Variants in CCZ1 observed in about 807,000 individuals in gnomAD.
CCZ1 encodes the protein vacuolar fusion protein CCZ1 homolog.
A neutral mutation model predicts 57.8 loss-of-function variants in CCZ1; 19 were observed. That is an observed-to-expected ratio of 0.33 (90% CI 0.23 to 0.48). The LOEUF (loss-of-function observed/expected upper bound fraction) is 0.48. Among genes scored for constraint, CCZ1 ranks in the 20% least tolerant of loss-of-function variants. The probability of loss-of-function intolerance (pLI) is 0.99; values close to 1 mark genes in which losing one functional copy is unlikely to be tolerated. For synonymous variants in CCZ1, 81 were observed against 167.0 expected, an observed-to-expected ratio of 0.49 and a Z score of 3.97; for missense variants, 200 against 492.0, an observed-to-expected ratio of 0.41 and a Z score of 5.61.
chr7:5,916,708 A>G (rs1039665677), intron 10 of CCZ1, among the ~76,000 whole-genome samples: 2 of 147,310 alleles, frequency 1.4e-5, no homozygotes, highest in African/African-American at 5.3e-5. Flanking sequence ...GGGGTTGGCC[A>G]CAGAGACACA....
chr7:5,907,951 A>C (rs936330267), intron 7 of CCZ1, among the ~76,000 whole-genome samples: 3 of 145,892 alleles, frequency 2.1e-5, no homozygotes, highest in African/African-American at 2.6e-5. Flanking sequence ...AAAAAAAAAA[A>C]AATAGCTGGG....
intron 10 of CCZ1, among the ~76,000 whole-genome samples, chr7:5,914,564 A>T (rs1334441670): frequency 1.4e-4 from 21 of 146,242 alleles, no homozygotes; most frequent in Non-Finnish European, 1.5e-5. Context: ...CCAAGCTGTC[A>T]ACCACAGATA....
chr7:5,907,103 C>T (rs1397313174), intron 7 of CCZ1, among the ~76,000 whole-genome samples: 2 of 149,636 alleles, frequency 1.3e-5, no homozygotes, highest in South Asian at 2.2e-4. Flanking sequence ...TCAAAGGATC[C>T]GCCCACCTTG....
intron 10 of CCZ1, among the ~76,000 whole-genome samples, chr7:5,914,926 G>A (rs1294350410): frequency 7.1e-5 from 10 of 141,634 alleles, no homozygotes; most frequent in African/African-American, 1.9e-4. Flanking sequence ...AAAGTTTACC[G>A]TCATGCACCT....
At chr7:5,904,000 G>A (rs1436804870) in intron 6 of CCZ1, among the ~76,000 whole-genome samples, 1 of 142,866 alleles carries the variant, frequency 7.0e-6, no homozygotes, top group Non-Finnish European at 1.5e-5. Flanking sequence ...TCTCGGGGGG[G>A]GAAATAAAGA....
Position 5,914,801 on chromosome 7 carries a change from G to A in CCZ1, c.954+1847G>A, listed in dbSNP as rs1386907043. Among the ~76,000 whole-genome samples, 19 of 145,202 alleles carry A rather than the reference G, an allele frequency of 1.3e-4. 1 individual carries two copies. Among genetic ancestry groups the A allele is most frequent in the African/African-American group, 3.6e-4 (14 of 38,846 alleles). On this transcript the variant is annotated intron_variant, in intron 10 of 14. Coordinates refer to ENST00000325974, the MANE Select transcript of CCZ1 (RefSeq NM_015622.6). ...TGAGGCAGGAGAATCACTTGTACCC[G>A]CGAGGCGGAGGTTGCAGTGAGCTGA...
At chr7:5,905,737 G>A (rs1781796026) in intron 7 of CCZ1, among the ~76,000 whole-genome samples, 1 of 103,118 alleles carries the variant, frequency 9.7e-6, no homozygotes, top group Non-Finnish European at 1.8e-5. Flanking sequence ...AGCCGAGATG[G>A]CACCACTGTA....
rs559625047 is a variant in CCZ1, at chr7:5,910,978, G to C, written c.780+862G>C. ...CTCGAACTCCTGACCTCAGGTGATT[G>C]ACCCGCCACAGCCTTCCAAAGTGCT... On this transcript the variant is annotated intron_variant, in intron 8 of 14. Transcript: ENST00000325974. Among the ~76,000 whole-genome samples, 186 of 147,098 alleles carry C rather than the reference G, an allele frequency of 1.3e-3. 13 individuals are homozygous for C. Among genetic ancestry groups the C allele is most frequent in the African/African-American group, 4.4e-3 (175 of 39,526 alleles).
intron 10 of CCZ1, 66 bp downstream of exon 10, chr7:5,913,020 C>T (rs1779072065): frequency 1.6e-5 from 25 of 1,577,162 alleles, no homozygotes; most frequent in East Asian, 4.5e-5. Flanking sequence ...CATGTGTACA[C>T]GAGTGCATGT....
At position 5,903,202 on chromosome 7, in the gene CCZ1, G is replaced by A. The variant is rs1418390627; in HGVS notation, c.522+458G>A. On this transcript the variant is annotated intron_variant, in intron 6 of 14. Coordinates refer to ENST00000325974, the MANE Select transcript of CCZ1 (RefSeq NM_015622.6). ...CCTTGACAGACTTTGTCAGATTAGC[G>A]ATTGGGGAGATTTGTTCCAAGTGCT... 6.7e-5 allele frequency among the ~76,000 whole-genome samples: 10 copies of A among 148,398 alleles called. 2 individuals are homozygous for A. The highest frequency in any genetic ancestry group is 2.5e-4 in the African/African-American group (10 of 40,066).
At chr7:5,904,114 CAG>C (rs1781749045) in intron 6 of CCZ1, among the ~76,000 whole-genome samples, 1 of 58,554 alleles carries the variant, frequency 1.7e-5, no homozygotes. Flanking sequence ...TTTTTTGAGA[CAG>C]AATCTTACTC....
intron 7 of CCZ1, among the ~76,000 whole-genome samples, chr7:5,908,000 A>G (rs1781875489): frequency 7.0e-6 from 1 of 142,574 alleles, no homozygotes; most frequent in Non-Finnish European, 1.5e-5. Context: ...TACAGAGACT[A>G]CAGAGGTTGA....
At position 5,911,913 on chromosome 7, in the gene CCZ1, A is replaced by G; in HGVS notation, c.833A>G (p.His278Arg). The change falls in exon 9 of 15, where the codon CAC (histidine) becomes CGC (arginine). Residue 278 changes from histidine (H) to arginine (R), a missense_variant. Around this residue, in one of 5 missense-constraint regions of CCZ1, gnomAD observed 128 missense variants for 178.4 expected, o/e 0.72. Transcript: ENST00000325974. ...GCAGAAATGCCAGGAAATCTTCAAC[A>G]CTATGGAAGGTAGGACTTCTGTTCT... ...IRAEMPGNLQ[H>R]YGRFLTGPLN... 1 of 1,584,740 alleles carries G rather than the reference A, an allele frequency of 6.3e-7. No individual in the cohort carries two copies. Among genetic ancestry groups the G allele is most frequent in the Middle Eastern group, 1.7e-4 (1 of 5,910 alleles).
In CCZ1 at chr7:5,898,967, G is replaced by C. The variant is rs1781612179; in HGVS notation, c.120+48G>C. On this transcript the variant is annotated intron_variant, in intron 1 of 14. Coordinates refer to ENST00000325974, the MANE Select transcript of CCZ1 (RefSeq NM_015622.6). ...GGGCGGGCGGCGCCGGTGTTCCCCG[G>C]GAAGGTGGCCCTGTGGTTCTGCCCA... is the stretch of plus-strand genomic sequence containing the variant. 17 of 367,100 alleles carry C rather than the reference G, an allele frequency of 4.6e-5. 1 individual carries two copies. The East Asian group carries it at 9.7e-4, about 21-fold the overall frequency. The allele number at this position is 367,100 out of a possible 1,614,324, so 22.7% of individuals were successfully genotyped here.
chr7:5,912,377 C>CTTTTTTTTT lies in CCZ1; in HGVS notation c.843-441_843-433dup, dbSNP rs4036238. ...GAGTTAAAACTTACTTCAGCATACC[C>CTTTTTTTTT]TTTTTTTTTTTTTTTTTTTTTTTTT... On this transcript the variant is annotated intron_variant, in intron 9 of 14. Coordinates refer to ENST00000325974, the MANE Select transcript of CCZ1 (RefSeq NM_015622.6). 2.4e-4 allele frequency among the ~76,000 whole-genome samples: 13 copies of CTTTTTTTTT among 54,702 alleles called. 1 individual carries two copies. Among genetic ancestry groups the CTTTTTTTTT allele is most frequent in the Admixed American group, 9.2e-4 (3 of 3,272 alleles). The allele number at this position is 54,702 out of a possible 152,430, so 35.9% of individuals were successfully genotyped here. A position where few individuals can be genotyped will look rare whatever the true frequency, so the allele number is the denominator to read the frequency against.
intron 7 of CCZ1, among the ~76,000 whole-genome samples, chr7:5,909,697 CAAAAA>C (rs147891550): frequency 7.8e-6 from 1 of 128,266 alleles, no homozygotes; most frequent in Non-Finnish European, 1.6e-5. Context: ...GACCTTGTCT[CAAAAA>C]AAAAAAGAAA....
intron 7 of CCZ1, among the ~76,000 whole-genome samples, chr7:5,907,820 GGCGC>G (rs1781869283): frequency 2.1e-5 from 1 of 48,486 alleles, no homozygotes; most frequent in Non-Finnish European, 4.2e-5. Flanking sequence ...AAGCAAAACA[GGCGC>G]CAATGCTTAC....
chr7:5,900,901 C>T lies in CCZ1; in HGVS notation c.359C>T (p.Pro120Leu). 2.1e-6 allele frequency: 3 copies of T among 1,456,496 alleles called. No homozygotes were observed. The highest frequency in any genetic ancestry group is 2.8e-6 in the Non-Finnish European group (3 of 1,084,412). The allele number at this position is 1,456,496 out of a possible 1,614,324, so 90.2% of individuals were successfully genotyped here. A position where few individuals can be genotyped will look rare whatever the true frequency, so the allele number is the denominator to read the frequency against. The change falls in exon 4 of 15, where the codon CCA becomes CTA. Residue 120 changes from proline to leucine, a missense_variant. Pro to Leu is a moderately conservative substitution (Grantham distance 98). Transcript: ENST00000325974. ...IIEKQSKDGK[P>L]VIEYQEEELL... ...GAAAAACAGAGTAAAGATGGAAAAC[C>T]AGTTATTGAATATCAAGAGGAGGAG...
intron 12 of CCZ1, among the ~76,000 whole-genome samples, chr7:5,921,789 CAACT>C (rs1779244307): frequency 1.9e-5 from 2 of 105,406 alleles, no homozygotes; most frequent in Non-Finnish European, 4.0e-5. Flanking sequence ...TGCAGGTTAT[CAACT>C]AACAGATGGA....
Sources: allele counts gnomAD v4.1 joint callset (sites outside exome capture counted in the v4.1 genomes callset), GRCh38; gene constraint gnomAD v4.1.1; regional missense constraint gnomAD v4.1.1; transcripts MANE v1.5; gene names NCBI Gene and HGNC (gene_info 2026-07-23, HGNC 2026-07-21).